TESK2: variants seen among roughly 807,000 people sequenced by gnomAD.
TESK2 encodes the protein dual specificity testis-specific protein kinase 2.
TESK2 carries 39 observed loss-of-function variants against 57.1 expected under a neutral mutation model. That is an observed-to-expected ratio of 0.68 (90% CI 0.53 to 0.89). The LOEUF (loss-of-function observed/expected upper bound fraction) is 0.89, where lower values mean the gene tolerates loss of function less well. Among genes scored for constraint, TESK2 ranks in the 40% least tolerant of loss-of-function variants. The pLI, the probability that TESK2 is intolerant of heterozygous loss-of-function variation, is 0.00. For synonymous variants in TESK2, 249 were observed against 267.9 expected, an observed-to-expected ratio of 0.93 and a Z score of 0.69; for missense variants, 646 against 732.1, an observed-to-expected ratio of 0.88 and a Z score of 1.36.
chr1:45,398,961 A>G, intron 3 of TESK2: 1 of 416,416 alleles, frequency 2.4e-6, no homozygotes, highest in Non-Finnish European at 4.6e-6. Flanking sequence ...ACCTCTACCC[A>G]ACCTCCATTG....
At chr1:45,416,159 T>G (rs997606562) in intron 3 of TESK2, among the ~76,000 whole-genome samples, 1 of 128,046 alleles carries the variant, frequency 7.8e-6, no homozygotes, top group Non-Finnish European at 1.6e-5. Context: ...CTCAGCTCAC[T>G]ACAAGTTCTG....
chr1:45,465,845 C>T (rs1346000291), intron 1 of TESK2, among the ~76,000 whole-genome samples: 3 of 152,038 alleles, frequency 2.0e-5, no homozygotes, highest in Admixed American at 6.5e-5. Flanking sequence ...ATAAAACATA[C>T]AGCACTTAGA....
chr1:45,381,739 A>G (rs2149273184), intron 4 of TESK2, among the ~76,000 whole-genome samples: 1 of 152,084 alleles, frequency 6.6e-6, no homozygotes, highest in African/African-American at 2.4e-5. Flanking sequence ...TAACCAATAC[A>G]CAGAATTATA....
chr1:45,348,379 C>T (rs904231586), intron 5 of TESK2, among the ~76,000 whole-genome samples: 5 of 152,238 alleles, frequency 3.3e-5, no homozygotes, highest in Non-Finnish European at 7.3e-5. Context: ...TCCCTTCCTC[C>T]TTCCTCAGAA....
chr1:45,467,135 T>C (rs1467728574), intron 1 of TESK2, among the ~76,000 whole-genome samples: 4 of 152,172 alleles, frequency 2.6e-5, no homozygotes, highest in African/African-American at 9.6e-5. Context: ...CTTAACGTGA[T>C]GAAGTGGCCA....
At chr1:45,427,178 G>A (rs1650730472) in intron 2 of TESK2, among the ~76,000 whole-genome samples, 1 of 151,030 alleles carries the variant, frequency 6.6e-6, no homozygotes, top group African/African-American at 2.4e-5. Flanking sequence ...GGGAGGCAGA[G>A]GTTGCAGTGA....
At chr1:45,394,951 A>G (rs1649300123) in intron 3 of TESK2, among the ~76,000 whole-genome samples, 1 of 151,892 alleles carries the variant, frequency 6.6e-6, no homozygotes, top group African/African-American at 2.4e-5. Context: ...CAGCCTCCCA[A>G]AAGGCTGGGA....
At chr1:45,477,200 T>C (rs1302409084) in intron 1 of TESK2, among the ~76,000 whole-genome samples, 4 of 151,050 alleles carry the variant, frequency 2.6e-5, no homozygotes, top group Non-Finnish European at 4.4e-5. Flanking sequence ...ACCACTGCAC[T>C]CCAGCCTGGG....
At position 45,344,820 on chromosome 1, in the gene TESK2, G is replaced by A; in HGVS notation, c.*20C>T. 1.9e-6 allele frequency: 3 copies of A among 1,595,332 alleles called. No homozygotes were observed. The highest frequency in any genetic ancestry group is 2.6e-6 in the Non-Finnish European group (3 of 1,168,608). ...TCAGCTGAAGGTCCATCCCCAAGGT[G>A]AGGCAGGGACTAAACCCCCTCACCC... is the stretch of plus-strand genomic sequence containing the variant. On this transcript the variant is annotated 3_prime_UTR_variant, in exon 11 of 11. Coordinates refer to ENST00000372086, the MANE Select transcript of TESK2 (RefSeq NM_007170.3).
At chr1:45,427,032 C>T (rs778506146) in intron 2 of TESK2, among the ~76,000 whole-genome samples, 19 of 152,086 alleles carry the variant, frequency 1.2e-4, no homozygotes, top group East Asian at 1.9e-4. Flanking sequence ...TACCTGAGGT[C>T]GGGAGTTGGA....
rs908878567 is a variant in TESK2, at chr1:45,344,064, A to C, written c.*776T>G. ...TCCAGCCATGGCAGGAAGGGAAGCA[A>C]ATCAGTCCCTGTATAAACCATTTAA... On this transcript the variant is annotated 3_prime_UTR_variant, in exon 11 of 11. Transcript: ENST00000372086. 4.2e-5 allele frequency: 10 copies of C among 237,506 alleles called. No individual in the cohort carries two copies. The highest frequency in any genetic ancestry group is 7.5e-5 in the Non-Finnish European group (9 of 119,472). The allele number at this position is 237,506 out of a possible 1,614,324, so 14.7% of individuals were successfully genotyped here. A position where few individuals can be genotyped will look rare whatever the true frequency, so the allele number is the denominator to read the frequency against.
intron 1 of TESK2, among the ~76,000 whole-genome samples, chr1:45,483,008 A>T (rs1392500210): frequency 2.6e-5 from 4 of 151,238 alleles, no homozygotes; most frequent in Non-Finnish European, 5.9e-5. Context: ...GTCCGGGCGC[A>T]GTAGCTGACG....
chr1:45,480,995 T>C (rs1653194649), intron 1 of TESK2, among the ~76,000 whole-genome samples: 1 of 147,864 alleles, frequency 6.8e-6, no homozygotes, highest in Non-Finnish European at 1.5e-5. Flanking sequence ...CTCAAAAAAA[T>C]AATAATATAT....
chr1:45,414,339 G>A (rs979782433), intron 3 of TESK2, among the ~76,000 whole-genome samples: 8 of 152,130 alleles, frequency 5.3e-5, no homozygotes, highest in South Asian at 2.1e-4. Context: ...GCAAACCCAC[G>A]TGGCTAACAA....
chr1:45,346,895 A>G, intron 8 of TESK2, 84 bp downstream of exon 8: 1 of 1,559,392 alleles, frequency 6.4e-7, no homozygotes, highest in Non-Finnish European at 8.8e-7. Context: ...AGAGAGTTCC[A>G]GCAAGTCCAT....
At chr1:45,357,254 T>C (rs918634088) in intron 4 of TESK2, among the ~76,000 whole-genome samples, 1 of 151,622 alleles carries the variant, frequency 6.6e-6, no homozygotes, top group African/African-American at 2.4e-5. Context: ...TATGTATGTA[T>C]GTATGTATGT....
intron 4 of TESK2, among the ~76,000 whole-genome samples, chr1:45,378,800 T>A (rs1007581384): frequency 1.3e-5 from 2 of 152,178 alleles, no homozygotes; most frequent in Non-Finnish European, 2.9e-5. Context: ...CTCAAAATGG[T>A]GTGTATCAAG....
In TESK2 at chr1:45,355,359, C is replaced by G. The variant is rs752950056; in HGVS notation, c.484G>C (p.Val162Leu). 1.2e-6 allele frequency: 2 copies of G among 1,614,012 alleles called. No homozygotes were observed. Among genetic ancestry groups the G allele is most frequent in the African/African-American group, 2.7e-5 (2 of 75,020 alleles). Reference protein sequence around the residue: ...VRVKLAYDIAVGLSYLHFKGI... With the variant: ...VRVKLAYDIALGLSYLHFKGI... ...TTGAAGTGAAGGTAGCTGAGGCCCA[C>G]TGCTATGTCATAGGCCAGTTTTACC... The change falls in exon 5 of 11, where the codon GTG (valine) becomes CTG (leucine). Residue 162 changes from valine (V) to leucine (L), a missense_variant. Transcript: ENST00000372086.
intron 1 of TESK2, among the ~76,000 whole-genome samples, chr1:45,470,837 A>G (rs1652732638): frequency 6.6e-6 from 1 of 152,218 alleles, no homozygotes; most frequent in South Asian, 2.1e-4. Flanking sequence ...TTTACATTTA[A>G]TATCCATAAC....
Sources: gnomAD v4.1 joint callset for allele counts (sites outside exome capture counted in the v4.1 genomes callset) on GRCh38, gnomAD v4.1.1 for gene constraint, MANE v1.5 for transcripts, NCBI Gene and HGNC (gene_info 2026-07-23, HGNC 2026-07-21) for gene names.